Variants in DCHS2 observed in about 807,000 individuals in gnomAD.
DCHS2 encodes the protein dachsous cadherin-related 2, also known as protocadherin-23.
A neutral mutation model predicts 182.4 loss-of-function variants in DCHS2; 142 were observed. The observed-to-expected ratio is 0.78, with a 90% CI of 0.68 to 0.89. The LOEUF (loss-of-function observed/expected upper bound fraction) is 0.89. Ranked by LOEUF, DCHS2 falls within the 40% of genes least tolerant of loss-of-function variation. DCHS2 has a pLI of 0.00. For synonymous variants in DCHS2, 1,740 were observed against 1,663.3 expected (o/e 1.05, Z -1.12); for missense variants, 4,319 against 4,198.6 (o/e 1.03, Z -0.79).
At chr4:154,290,635 A>G (rs1474530000) in intron 13 of DCHS2, among the ~76,000 whole-genome samples, 1 of 152,092 alleles carries the variant, frequency 6.6e-6, no homozygotes, top group African/African-American at 2.4e-5. Flanking sequence ...ACAAATCCAG[A>G]CATCTACAGT....
intron 16 of DCHS2, among the ~76,000 whole-genome samples, chr4:154,245,378 C>G (rs529121611): frequency 1.3e-5 from 2 of 152,134 alleles, no homozygotes; most frequent in Admixed American, 1.3e-4. Flanking sequence ...CATTTTTTTC[C>G]TGTTCTATCA....
Position 154,328,081 on chromosome 4 carries a change from A to T in DCHS2, c.4018+12T>A. On this transcript the variant is annotated intron_variant, in intron 7 of 19. Transcript: ENST00000357232. Reference sequence around the variant, plus strand: ...TAAAAGTTCTTAATCCCGTATGAACAGTAAGTTTTACCTGAAGATACTGAG... The same window carrying T: ...TAAAAGTTCTTAATCCCGTATGAACTGTAAGTTTTACCTGAAGATACTGAG... 6.3e-7 allele frequency: 1 copy of T among 1,578,568 alleles called. No homozygotes were observed. The highest frequency in any genetic ancestry group is 1.4e-5 in the African/African-American group (1 of 74,050).
intron 13 of DCHS2, among the ~76,000 whole-genome samples, chr4:154,273,311 C>T (rs992420671): frequency 2.6e-5 from 4 of 152,024 alleles, no homozygotes; most frequent in African/African-American, 9.7e-5. Flanking sequence ...TCACAGCAAC[C>T]TGGATGGAAT....
chr4:154,319,344 C>T (rs749499742), intron 9 of DCHS2, among the ~76,000 whole-genome samples: 18 of 151,456 alleles, frequency 1.2e-4, no homozygotes, highest in Non-Finnish European at 2.2e-4. Flanking sequence ...AATAAACAGG[C>T]GGATTACATA....
intron 1 of DCHS2, among the ~76,000 whole-genome samples, chr4:154,442,513 T>C (rs1293416321): frequency 7.1e-6 from 1 of 139,914 alleles, no homozygotes; most frequent in Non-Finnish European, 1.5e-5. Flanking sequence ...TTTTTTGCTG[T>C]CACTGAAAAG....
At chr4:154,413,217 A>C (rs1302488392) in intron 1 of DCHS2, among the ~76,000 whole-genome samples, 1 of 152,196 alleles carries the variant, frequency 6.6e-6, no homozygotes, top group African/African-American at 2.4e-5. Context: ...CTTTCCAACT[A>C]TTAACAATCT....
At chr4:154,407,859 A>G (rs549354911) in intron 1 of DCHS2, among the ~76,000 whole-genome samples, 4 of 152,302 alleles carry the variant, frequency 2.6e-5, no homozygotes, top group Non-Finnish European at 4.4e-5. Flanking sequence ...GCATAAAGAT[A>G]TGCATTCCCT....
At chr4:154,406,429 C>T (rs538167379) in intron 1 of DCHS2, among the ~76,000 whole-genome samples, 1 of 152,354 alleles carries the variant, frequency 6.6e-6, no homozygotes, top group East Asian at 1.9e-4. Flanking sequence ...AATCCCAGTC[C>T]TGCTCTGCCT....
intron 1 of DCHS2, among the ~76,000 whole-genome samples, chr4:154,410,324 A>G (rs1732572310): frequency 6.6e-6 from 1 of 151,918 alleles, no homozygotes; most frequent in Non-Finnish European, 1.5e-5. Flanking sequence ...TGGATATCAT[A>G]CAAAAGAACC....
rs769477803 is a variant in DCHS2 at position 154,270,149 on chromosome 4, T to A, written c.6464-136A>T. 1.5e-5 allele frequency: 17 copies of A among 1,128,696 alleles called. 1 individual carries two copies. The highest frequency in any genetic ancestry group is 2.1e-5 in the Non-Finnish European group (17 of 822,342). 69.9% of individuals were successfully genotyped at this position (1,128,696 alleles called of 1,614,324 possible). A position where few individuals can be genotyped will look rare whatever the true frequency, so the allele number is the denominator to read the frequency against. ...TTGATTCAACAATAACTTATTGTCT[T>A]CAATGAGCCAGATCCCATGCTAGGT... On this transcript the variant is annotated intron_variant, in intron 13 of 19. Coordinates refer to ENST00000357232, the MANE Select transcript of DCHS2 (RefSeq NM_001358235.2).
At chr4:154,323,403 C>T in intron 7 of DCHS2, 1 of 1,530,294 alleles carries the variant, frequency 6.5e-7, no homozygotes, top group Non-Finnish European at 8.8e-7. Context: ...CATGATAGCT[C>T]ACTGCAGCCT....
At chr4:154,359,891 A>G (rs1345988247) in intron 3 of DCHS2, among the ~76,000 whole-genome samples, 2 of 152,108 alleles carry the variant, frequency 1.3e-5, no homozygotes, top group Non-Finnish European at 2.9e-5. Context: ...TAGTCTTATA[A>G]AGAAATTCCT....
chr4:154,270,176 C>T (rs72970623), intron 13 of DCHS2, among the ~76,000 whole-genome samples, 163 bp from the exon 14 acceptor site: 3,860 of 152,174 alleles, frequency 0.025, 134 homozygotes, highest in African/African-American at 0.078. Context: ...ATGCTAGGTG[C>T]TAGGGATATA....
intron 1 of DCHS2, among the ~76,000 whole-genome samples, chr4:154,458,599 T>C (rs1326949164): frequency 6.6e-6 from 1 of 152,220 alleles, no homozygotes; most frequent in Non-Finnish European, 1.5e-5. Flanking sequence ...TAAAATGCCG[T>C]CTCTTGCACA....
At chr4:154,286,291 A>G (rs1734395679) in intron 13 of DCHS2, among the ~76,000 whole-genome samples, 1 of 152,126 alleles carries the variant, frequency 6.6e-6, no homozygotes, top group Non-Finnish European at 1.5e-5. Context: ...TTCAATATGC[A>G]GACACTGAAG....
Position 154,488,325 on chromosome 4 carries a change from G to A in DCHS2, c.2052+979C>T, listed in dbSNP as rs73856408. On this transcript the variant is annotated intron_variant, in intron 1 of 19. Transcript: ENST00000357232. ...CACCCAAATCAAAAAGCAGTGTACA[G>A]TGCCCCATTTTATAAAGGATAATTG... Among the ~76,000 whole-genome samples, 966 of 152,150 alleles carry A rather than the reference G, an allele frequency of 6.3e-3. 19 individuals are homozygous for A. In the South Asian group the frequency reaches 0.068, roughly 11 times the overall value.
chr4:154,340,402 C>G (rs1023968440), intron 3 of DCHS2, among the ~76,000 whole-genome samples: 1 of 152,176 alleles, frequency 6.6e-6, no homozygotes, highest in Non-Finnish European at 1.5e-5. Context: ...TAGTAACATA[C>G]AGCAAATGTG....
intron 1 of DCHS2, among the ~76,000 whole-genome samples, chr4:154,408,432 G>T (rs1454581328): frequency 6.6e-6 from 1 of 152,142 alleles, no homozygotes; most frequent in Non-Finnish European, 1.5e-5. Context: ...GTTGACCACG[G>T]AAAATAAAAT....
At position 154,235,627 on chromosome 4, in the gene DCHS2, T is replaced by C. The variant is rs922837096; in HGVS notation, c.9025A>G (p.Ile3009Val). ...VVSFLVFLIL[I>V]CILIVMILRH... Reference sequence around the variant, plus strand: ...AAAATCATTACAATTAGAATGCAGATGAGTATCAGAAACACTAAAAAGGAG... The same window carrying C: ...AAAATCATTACAATTAGAATGCAGACGAGTATCAGAAACACTAAAAAGGAG... Residue 3009 changes from isoleucine to valine, a missense_variant, in exon 20 of 20, where the codon ATC (isoleucine) becomes GTC (valine). Transcript: ENST00000357232. The C allele has an allele frequency of 3.1e-6, 5 of 1,613,910 alleles. No individual in the cohort carries two copies. The highest frequency in any genetic ancestry group is 4.2e-6 in the Non-Finnish European group (5 of 1,179,944).
Sources: gnomAD v4.1 joint callset for allele counts (sites outside exome capture counted in the v4.1 genomes callset) on GRCh38, gnomAD v4.1.1 for gene constraint, MANE v1.5 for transcripts, NCBI Gene and HGNC (gene_info 2026-07-23, HGNC 2026-07-21) for gene names.